The following SIK3 variants were observed in gnomAD, a reference collection of about 807,000 sequenced individuals.
The protein encoded by SIK3 is SIK family kinase 3, also known as serine/threonine-protein kinase SIK3.
Under a neutral mutation model 144.2 loss-of-function variants are expected in SIK3, and 28 were observed. The ratio of observed to expected loss-of-function variants is 0.19; its 90% CI spans 0.14 to 0.27. The LOEUF (loss-of-function observed/expected upper bound fraction) is 0.27, where lower values mean the gene tolerates loss of function less well. Ranked by LOEUF, SIK3 falls within the 10% of genes least tolerant of loss-of-function variation. The pLI is 1.00. For synonymous variants in SIK3, 686 were observed against 676.3 expected (o/e 1.01, Z -0.22); for missense variants, 1,319 against 1,776.0 (o/e 0.74, Z 4.62).
intron 1 of SIK3, among the ~76,000 whole-genome samples, chr11:117,004,620 G>T (rs895834936): frequency 1.2e-4 from 19 of 152,144 alleles, no homozygotes; most frequent in African/African-American, 4.1e-4. Flanking sequence ...AAGATAATGG[G>T]GTGGAGGAAA....
chr11:117,000,403 T>C (rs2135602743), intron 1 of SIK3, among the ~76,000 whole-genome samples: 1 of 152,326 alleles, frequency 6.6e-6, no homozygotes, highest in South Asian at 2.1e-4. Flanking sequence ...ACTTGGGATT[T>C]GTTTGTTTTT....
chr11:116,997,155 T>A (rs1034668850), intron 1 of SIK3, among the ~76,000 whole-genome samples: 1 of 152,204 alleles, frequency 6.6e-6, no homozygotes, highest in Non-Finnish European at 1.5e-5. Context: ...CTTTAAGATA[T>A]CTTCACTGCC....
At chr11:117,004,991 C>G (rs1293359062) in intron 1 of SIK3, among the ~76,000 whole-genome samples, 1 of 152,172 alleles carries the variant, frequency 6.6e-6, no homozygotes, top group Non-Finnish European at 1.5e-5. Flanking sequence ...GTTGCCTAGT[C>G]TCATACAGCT....
chr11:116,989,269 T>C (rs1950423577), intron 1 of SIK3, among the ~76,000 whole-genome samples: 1 of 152,218 alleles, frequency 6.6e-6, no homozygotes, highest in Non-Finnish European at 1.5e-5. Context: ...ATTCGCTTTT[T>C]AAATCAGTAA....
Position 116,859,455 on chromosome 11 carries a change from C to T in SIK3, c.2575G>A (p.Val859Ile), listed in dbSNP as rs760137454. 3 of 1,614,116 alleles carry T rather than the reference C, an allele frequency of 1.9e-6. No individual in the cohort carries two copies. Among genetic ancestry groups the T allele is most frequent in the South Asian group, 2.2e-5 (2 of 91,092 alleles). The change falls in exon 20 of 25, where the codon GTC becomes ATC. Residue 859 changes from valine (V) to isoleucine (I), a missense_variant. Val to Ile is a conservative substitution (Grantham distance 29, BLOSUM62 3). Around this residue, in one of 8 missense-constraint regions of SIK3, gnomAD observed 646 missense variants for 763.7 expected, o/e 0.85. Transcript: ENST00000445177. Reference protein sequence around the residue: ...PAQSQQVTIQVQEPVDMLSNM... With the variant: ...PAQSQQVTIQIQEPVDMLSNM... ...CTGAGCATGTCAACAGGCTCTTGGA[C>T]TTGGATGGTGACCTGCTGTGACTGA...
intron 1 of SIK3, among the ~76,000 whole-genome samples, chr11:117,033,450 C>G (rs2135810259): frequency 6.6e-6 from 1 of 152,170 alleles, no homozygotes; most frequent in South Asian, 2.1e-4. Flanking sequence ...ACCTGTAATT[C>G]CAGCACTTTG....
chr11:117,007,626 T>C (rs542116814), intron 1 of SIK3, among the ~76,000 whole-genome samples: 1 of 152,328 alleles, frequency 6.6e-6, no homozygotes, highest in South Asian at 2.1e-4. Context: ...CTCCATTTTA[T>C]CTTTATAGCT....
intron 1 of SIK3, among the ~76,000 whole-genome samples, chr11:117,095,687 G>A (rs1337241723): frequency 1.3e-5 from 2 of 152,190 alleles, no homozygotes; most frequent in Non-Finnish European, 2.9e-5. Flanking sequence ...CATGGAGCAG[G>A]CCAAAATATG....
At position 116,929,400 on chromosome 11, in the gene SIK3, T is replaced by C. The variant is rs539097869; in HGVS notation, c.455-2020A>G. 4.6e-5 allele frequency among the ~76,000 whole-genome samples: 7 copies of C among 152,340 alleles called. No individual in the cohort carries two copies. In the South Asian group the frequency reaches 1.0e-3, roughly 23 times the overall value. On this transcript the variant is annotated intron_variant, in intron 3 of 24. Coordinates refer to ENST00000445177, the MANE Select transcript of SIK3 (RefSeq NM_001366686.3). ...ACATTTGTCTGGCAGTAAATACTAA[T>C]TACCAGAACACATCAAAGTGCTTCT...
chr11:117,026,477 C>A (rs1013430805), intron 1 of SIK3, among the ~76,000 whole-genome samples: 5 of 151,984 alleles, frequency 3.3e-5, no homozygotes, highest in African/African-American at 1.2e-4. Flanking sequence ...CAATTTTGAC[C>A]ATTCTGAGCT....
intron 1 of SIK3, among the ~76,000 whole-genome samples, chr11:117,043,705 A>G (rs1054027313): frequency 2.0e-5 from 3 of 152,204 alleles, no homozygotes; most frequent in African/African-American, 7.2e-5. Flanking sequence ...ATGTCTAATT[A>G]ATTATTTAAC....
At chr11:116,898,568 G>T (rs1490096740) in intron 4 of SIK3, among the ~76,000 whole-genome samples, 4 of 151,562 alleles carry the variant, frequency 2.6e-5, no homozygotes, top group African/African-American at 7.3e-5. Flanking sequence ...CCACAATGGT[G>T]GAACTAGTTT....
intron 1 of SIK3, among the ~76,000 whole-genome samples, chr11:117,039,704 T>C (rs1952659373): frequency 6.6e-6 from 1 of 152,236 alleles, no homozygotes; most frequent in African/African-American, 2.4e-5. Context: ...GTTGGGCACT[T>C]AATATGTAGT....
chr11:116,932,316 A>G (rs935320564), intron 3 of SIK3, among the ~76,000 whole-genome samples: 1 of 152,324 alleles, frequency 6.6e-6, no homozygotes, highest in Non-Finnish European at 1.5e-5. Context: ...AGTTGCAAAG[A>G]CAGTGCAGAG....
intron 4 of SIK3, among the ~76,000 whole-genome samples, chr11:116,918,654 CCT>C (rs1465158410): frequency 1.3e-5 from 2 of 152,180 alleles, no homozygotes; most frequent in African/African-American, 2.4e-5. Flanking sequence ...CTCAGGCTGG[CCT>C]CTGTTTACAC....
intron 4 of SIK3, among the ~76,000 whole-genome samples, chr11:116,921,648 C>T (rs1946983688): frequency 6.6e-6 from 1 of 152,174 alleles, no homozygotes; most frequent in African/African-American, 2.4e-5. Flanking sequence ...AGATTACGGG[C>T]ATGAGCCACC....
intron 3 of SIK3, among the ~76,000 whole-genome samples, chr11:116,935,374 C>CT (rs954264493): frequency 6.6e-6 from 1 of 151,876 alleles, no homozygotes; most frequent in Admixed American, 6.6e-5. Flanking sequence ...TACAAAAACA[C>CT]TTTTTTTACT....
At chr11:117,011,728 T>C (rs1951268334) in intron 1 of SIK3, among the ~76,000 whole-genome samples, 1 of 152,120 alleles carries the variant, frequency 6.6e-6, no homozygotes, top group South Asian at 2.1e-4. Context: ...CTATACTCCC[T>C]TGGGAGCTTG....
intron 1 of SIK3, among the ~76,000 whole-genome samples, chr11:117,042,286 A>G (rs1292704440): frequency 2.0e-5 from 3 of 152,200 alleles, no homozygotes; most frequent in African/African-American, 4.8e-5. Context: ...GACAGGTCCT[A>G]TATGTTCTCA....
Sources: allele counts gnomAD v4.1 joint callset (sites outside exome capture counted in the v4.1 genomes callset), GRCh38; gene constraint gnomAD v4.1.1; regional missense constraint gnomAD v4.1.1; transcripts MANE v1.5; gene names NCBI Gene and HGNC (gene_info 2026-07-23, HGNC 2026-07-21).